The following TAF12 variants were observed in gnomAD, a reference collection of about 807,000 sequenced individuals.
TAF12 encodes TATA-box binding protein associated factor 12, also known as transcription initiation factor TFIID subunit 12.
In TAF12, 3 loss-of-function variants were observed where a neutral mutation model predicts 20.8. That is an observed-to-expected ratio of 0.14 (90% CI 0.07 to 0.37). The LOEUF (loss-of-function observed/expected upper bound fraction) is 0.37. Ranked by LOEUF, TAF12 falls within the 10% of genes least tolerant of loss-of-function variation. TAF12 has a pLI of 1.00. For missense variants in TAF12, 131 were observed against 197.9 expected (o/e 0.66, Z 2.03); for synonymous variants, 69 against 70.2 (o/e 0.98, Z 0.09).
chr1:28,628,675 T>A (rs563788319), intron 1 of TAF12, among the ~76,000 whole-genome samples: 219 of 146,336 alleles, frequency 1.5e-3, no homozygotes, highest in Admixed American at 6.0e-3. Flanking sequence ...ATAAAGACTT[T>A]AAAAAAAAAA....
In TAF12 at chr1:28,642,995, C is replaced by G; in HGVS notation, c.-88G>C. On this transcript the variant is annotated 5_prime_UTR_variant, in exon 1 of 6. Transcript: ENST00000373824. ...ACTGCCAGGGCCCAAGACTCACAGG[C>G]AGCAGCGTCTATCTCCCCATGATAT... The G allele has an allele frequency of 2.0e-6, 2 of 986,058 alleles. No individual in the cohort carries two copies. Among genetic ancestry groups the G allele is most frequent in the South Asian group, 4.7e-5 (1 of 21,290 alleles). The allele number at this position is 986,058 out of a possible 1,614,324, so 61.1% of individuals were successfully genotyped here.
In TAF12 at chr1:28,604,218, C is replaced by G. The variant is rs909446432; in HGVS notation, c.451-644G>C. ...CTGCGCCTGGCCAAGCATGTGTTTT[C>G]TGGGGTCCCCTGACCCCAATCTTTT... On this transcript the variant is annotated intron_variant, in intron 5 of 5. Transcript: ENST00000373824. 7.2e-5 allele frequency among the ~76,000 whole-genome samples: 11 copies of G among 152,274 alleles called. No homozygotes were observed. The Middle Eastern group carries it at 0.01, about 141-fold the overall frequency.
chr1:28,647,911 G>T (rs924720486), upstream of TAF12, among the ~76,000 whole-genome samples: 1 of 151,882 alleles, frequency 6.6e-6, no homozygotes, highest in Non-Finnish European at 1.5e-5. Context: ...ATCTACTTCA[G>T]TCATCTGAGG....
intron 1 of TAF12, among the ~76,000 whole-genome samples, chr1:28,629,917 T>C (rs1667561955): frequency 6.6e-6 from 1 of 151,704 alleles, no homozygotes; most frequent in East Asian, 1.9e-4. Flanking sequence ...TGGGGTTATA[T>C]GTGCAAGGCA....
chr1:28,631,045 CAAAAA>C (rs903921514), intron 1 of TAF12, among the ~76,000 whole-genome samples: 1 of 52,938 alleles, frequency 1.9e-5, no homozygotes. Flanking sequence ...ACTCCGTCTC[CAAAAA>C]AAAAAAAAAA....
chr1:28,639,821 ATTTAAGCCCTTGT>A (rs1160752120), intron 1 of TAF12, among the ~76,000 whole-genome samples: 1 of 151,996 alleles, frequency 6.6e-6, no homozygotes, highest in Non-Finnish European at 1.5e-5. Flanking sequence ...AATCAATCAA[ATTTAAGCCCTTGT>A]TTTTCAAATT....
At chr1:28,603,624 A>G in intron 5 of TAF12, 50 bp from the exon 6 acceptor site, 1 of 1,598,656 alleles carries the variant, frequency 6.3e-7, no homozygotes, top group Non-Finnish European at 8.6e-7. Flanking sequence ...TGGAGTCAGG[A>G]GCTTTCTGGA....
chr1:28,606,352 T>C (rs556020454), intron 4 of TAF12, among the ~76,000 whole-genome samples: 4 of 151,954 alleles, frequency 2.6e-5, no homozygotes, highest in African/African-American at 9.7e-5. Context: ...TTAGCCAGGC[T>C]GGTCTCAACC....
At chr1:28,635,049 C>G (rs541630729) in intron 1 of TAF12, among the ~76,000 whole-genome samples, 2 of 150,472 alleles carry the variant, frequency 1.3e-5, no homozygotes, top group South Asian at 4.2e-4. Flanking sequence ...AGGGTGAAAC[C>G]TCACCTCTAC....
intron 1 of TAF12, among the ~76,000 whole-genome samples, chr1:28,626,504 C>G (rs1667399797): frequency 6.7e-6 from 1 of 149,842 alleles, no homozygotes; most frequent in African/African-American, 2.5e-5. Context: ...TTGCTTGAAC[C>G]CAGGAGGTGG....
intron 3 of TAF12, among the ~76,000 whole-genome samples, chr1:28,616,559 C>T (rs556796100): frequency 6.6e-6 from 1 of 151,354 alleles, no homozygotes; most frequent in South Asian, 2.1e-4. Context: ...ATGGCAAAAC[C>T]CCATCTCTAC....
At chr1:28,616,146 C>T (rs1360181333) in intron 3 of TAF12, among the ~76,000 whole-genome samples, 3 of 152,138 alleles carry the variant, frequency 2.0e-5, no homozygotes, top group African/African-American at 7.2e-5. Context: ...CCTATAATCC[C>T]AGCACTGTGG....
chr1:28,624,665 T>C (rs1174686965), intron 1 of TAF12, among the ~76,000 whole-genome samples: 1 of 151,908 alleles, frequency 6.6e-6, no homozygotes, highest in East Asian at 1.9e-4. Context: ...GAGAATCACT[T>C]GAACTCAGGA....
At chr1:28,648,233 A>G (rs1264363856) in exon 1 of TAF12, 3 of 985,372 alleles carry the variant, frequency 3.0e-6, no homozygotes, top group Non-Finnish European at 3.6e-6. Context: ...TTCCAACGCC[A>G]TGAGACGCCT....
At chr1:28,642,372 A>T (rs534922817) in intron 1 of TAF12, among the ~76,000 whole-genome samples, 6 of 152,198 alleles carry the variant, frequency 3.9e-5, no homozygotes, top group Non-Finnish European at 8.8e-5. Flanking sequence ...CTGATCTCAT[A>T]TCCATGGTCC....
At position 28,614,996 on chromosome 1, in the gene TAF12, T is replaced by G. The variant is rs527599128; in HGVS notation, c.247-1635A>C. On this transcript the variant is annotated intron_variant, in intron 3 of 5. Transcript: ENST00000373824. ...TGGTGGCATGCACTTGTAGTCCCAG[T>G]TACTTGGGAGGCTGAAGTGGGACGC... Among the ~76,000 whole-genome samples, 10 of 151,824 alleles carry G rather than the reference T, an allele frequency of 6.6e-5. 2 individuals carry two copies. Among genetic ancestry groups the G allele is most frequent in the African/African-American group, 2.4e-4 (10 of 41,402 alleles).
At chr1:28,645,575 G>A (rs1322120341), upstream of TAF12, among the ~76,000 whole-genome samples, 2 of 151,910 alleles carry the variant, frequency 1.3e-5, no homozygotes, top group East Asian at 2.0e-4. Context: ...TGGAACCCGG[G>A]AGGTGGAGGT....
At chr1:28,643,923 C>A (rs567863682), upstream of TAF12, among the ~76,000 whole-genome samples, 747 of 152,054 alleles carry the variant, frequency 4.9e-3, 8 homozygotes, top group African/African-American at 0.017. Context: ...TGGTGGCATG[C>A]GCCTGTAATC....
intron 4 of TAF12, among the ~76,000 whole-genome samples, chr1:28,611,541 GAGACAC>G (rs1666859867): frequency 7.0e-6 from 1 of 143,560 alleles, no homozygotes; most frequent in African/African-American, 2.6e-5. Context: ...AAGAAAAGAA[GAGACAC>G]AGAGACAGAG....
Sources: allele counts gnomAD v4.1 joint callset (sites outside exome capture counted in the v4.1 genomes callset), GRCh38; gene constraint gnomAD v4.1.1; transcripts MANE v1.5; gene names NCBI Gene and HGNC (gene_info 2026-07-23, HGNC 2026-07-21).